Variants in FAM13A observed in about 807,000 individuals in gnomAD.
FAM13A encodes the protein family with sequence similarity 13 member A.
FAM13A carries 76 observed loss-of-function variants against 129.6 expected under a neutral mutation model. That is an observed-to-expected ratio of 0.59 (90% CI 0.49 to 0.71). The LOEUF (loss-of-function observed/expected upper bound fraction) is 0.71, where lower values mean the gene tolerates loss of function less well. FAM13A is among the 30% of genes least tolerant of loss of function. FAM13A has a pLI of 0.00. For synonymous variants in FAM13A, 443 were observed against 449.9 expected (o/e 0.98, Z 0.20); for missense variants, 1,108 against 1,249.3 (o/e 0.89, Z 1.70).
intron 7 of FAM13A, among the ~76,000 whole-genome samples, chr4:88,821,103 A>G (rs1385378939): frequency 6.6e-6 from 1 of 152,188 alleles, no homozygotes; most frequent in Non-Finnish European, 1.5e-5. Context: ...CCAAACTGGG[A>G]TTTGAAGAAA....
chr4:88,974,075 A>G (rs1760550896), intron 4 of FAM13A, among the ~76,000 whole-genome samples: 1 of 152,156 alleles, frequency 6.6e-6, no homozygotes. Flanking sequence ...CCCATGTCAG[A>G]AGCATGAAGG....
At position 89,020,634 on chromosome 4, in the gene FAM13A, T is replaced by A. The variant is rs1767142232; in HGVS notation, c.253A>T (p.Asn85Tyr). Residue 85 changes from asparagine (N) to tyrosine (Y), a missense_variant, in exon 3 of 24, where the codon AAC becomes TAC. Coordinates refer to ENST00000264344, the MANE Select transcript of FAM13A (RefSeq NM_014883.4). Reference sequence around the variant, plus strand: ...CGAAGTTGTTCCACCACCTTCACGTTACCATTCACCCTAAAAAGACCTTCT... The same window carrying A: ...CGAAGTTGTTCCACCACCTTCACGTAACCATTCACCCTAAAAAGACCTTCT... The part of the protein sequence containing the change: ...TQEGLFRVNG[N>Y]VKVVEQLRLK... 1 of 1,614,008 alleles carries A rather than the reference T, an allele frequency of 6.2e-7. No individual in the cohort carries two copies. The highest frequency in any genetic ancestry group is 1.1e-5 in the South Asian group (1 of 91,080).
At chr4:88,873,726 G>T (rs980129793) in intron 6 of FAM13A, among the ~76,000 whole-genome samples, 3 of 152,102 alleles carry the variant, frequency 2.0e-5, no homozygotes, top group Non-Finnish European at 4.4e-5. Context: ...AGAGGAGCTG[G>T]TACCATTCCT....
rs1727396143 is a variant in FAM13A, at chr4:88,801,211, A to T, written c.1049+3800T>A. Among the ~76,000 whole-genome samples the T allele has an allele frequency of 4.6e-5, 7 of 152,232 alleles. No homozygotes were observed. The South Asian group carries it at 1.4e-3, about 31-fold the overall frequency. On this transcript the variant is annotated intron_variant, in intron 8 of 23. Transcript: ENST00000264344. ...CATCTAAATATCAAGTAATATTTTAATTTGAATTTAGCCAAAGTCATTTTT... is the reference window on the plus strand; with the variant it reads ...CATCTAAATATCAAGTAATATTTTATTTTGAATTTAGCCAAAGTCATTTTT...
At chr4:88,945,986 GTGTGTA>G (rs1444512209) in intron 4 of FAM13A, among the ~76,000 whole-genome samples, 2 of 21,850 alleles carry the variant, frequency 9.2e-5, no homozygotes, top group African/African-American at 5.6e-4. Context: ...GTGTGTGTGT[GTGTGTA>G]TATATATATA....
intron 3 of FAM13A, among the ~76,000 whole-genome samples, chr4:88,991,532 TTG>T (rs1356197657): frequency 6.6e-6 from 1 of 152,166 alleles, no homozygotes; most frequent in Non-Finnish European, 1.5e-5. Context: ...CAAAATGGGT[TTG>T]TGTTTCAATT....
intron 1 of FAM13A, 103 bp from the exon 2 acceptor site, chr4:89,029,752 A>G: frequency 3.1e-6 from 3 of 959,760 alleles, no homozygotes; most frequent in Non-Finnish European, 4.8e-6. Context: ...GAAGATGAAT[A>G]GTTGTGGTCT....
At chr4:89,007,384 A>C (rs1015518279) in intron 3 of FAM13A, among the ~76,000 whole-genome samples, 1 of 152,198 alleles carries the variant, frequency 6.6e-6, no homozygotes, top group Non-Finnish European at 1.5e-5. Context: ...AGAAGCCCAC[A>C]GAAAAAGGAA....
intron 15 of FAM13A, among the ~76,000 whole-genome samples, chr4:88,750,130 A>G (rs1742258358): frequency 6.6e-6 from 1 of 152,184 alleles, no homozygotes; most frequent in African/African-American, 2.4e-5. Context: ...GCTCACATTT[A>G]TAATTAGCAA....
chr4:88,858,615 T>C (rs1383548957), intron 6 of FAM13A, among the ~76,000 whole-genome samples: 1 of 152,164 alleles, frequency 6.6e-6, no homozygotes. Flanking sequence ...GAAAACATTA[T>C]GCCAAGTGAA....
intron 21 of FAM13A, among the ~76,000 whole-genome samples, chr4:88,735,500 G>C (rs1738801023): frequency 6.6e-6 from 1 of 152,098 alleles, no homozygotes; most frequent in Non-Finnish European, 1.5e-5. Context: ...TCTTATGTTG[G>C]CTAGGAGAAC....
chr4:88,982,707 T>C (rs1761790378), intron 4 of FAM13A, among the ~76,000 whole-genome samples: 1 of 152,216 alleles, frequency 6.6e-6, no homozygotes, highest in African/African-American at 2.4e-5. Flanking sequence ...TTCAGAGGAC[T>C]TTTGCCTTAG....
chr4:88,746,979 C>T lies in FAM13A; in HGVS notation c.2419G>A (p.Ala807Thr). The T allele has an allele frequency of 6.2e-7, 1 of 1,613,610 alleles. No individual in the cohort carries two copies. The highest frequency in any genetic ancestry group is 1.1e-5 in the South Asian group (1 of 91,068). The change falls in exon 19 of 24, where the codon GCT becomes ACT. Residue 807 changes from alanine (A) to threonine (T), a missense_variant. By Grantham distance (58) the Ala-to-Thr change is moderately conservative. This residue lies in a region of FAM13A where 529 missense variants were observed against 621.2 expected (regional missense o/e 0.85). Transcript: ENST00000264344. The stretch of plus-strand genomic sequence containing the variant: ...TAATATAACAGAGCTTTCTGCAGAG[C>T]CACTTTCTCATTAGCAATCTGGTCT... ...TKDQIANEKV[A>T]LQKALLYYES...
intron 2 of FAM13A, among the ~76,000 whole-genome samples, chr4:89,023,660 T>C (rs1361016059): frequency 6.6e-6 from 1 of 152,200 alleles, no homozygotes; most frequent in African/African-American, 2.4e-5. Context: ...TATTTTCCTG[T>C]CTCTGTCCCA....
intron 7 of FAM13A, among the ~76,000 whole-genome samples, chr4:88,811,191 T>C (rs1729598285): frequency 6.6e-6 from 1 of 152,170 alleles, no homozygotes; most frequent in Admixed American, 6.6e-5. Flanking sequence ...AAAATGGGTC[T>C]GGATATGCCC....
At chr4:88,955,749 G>A (rs778560227) in intron 4 of FAM13A, among the ~76,000 whole-genome samples, 1 of 152,188 alleles carries the variant, frequency 6.6e-6, no homozygotes, top group Non-Finnish European at 1.5e-5. Context: ...TCATGCTTTA[G>A]CAAAGAGACT....
At chr4:88,730,598 G>A (rs1737498133) in intron 23 of FAM13A, among the ~76,000 whole-genome samples, 1 of 152,070 alleles carries the variant, frequency 6.6e-6, no homozygotes, top group Non-Finnish European at 1.5e-5. Context: ...CACCATGTTG[G>A]TCAGGCTGGT....
At chr4:88,989,122 C>T (rs569782729) in intron 4 of FAM13A, among the ~76,000 whole-genome samples, 10 of 151,668 alleles carry the variant, frequency 6.6e-5, no homozygotes, top group African/African-American at 2.2e-4. Flanking sequence ...GCAGGAGAAT[C>T]GCATGAACCC....
rs997373108 is a variant in FAM13A at position 88,726,352 on chromosome 4, C to T, written c.*2181G>A. On this transcript the variant is annotated 3_prime_UTR_variant, in exon 24 of 24. Coordinates refer to ENST00000264344, the MANE Select transcript of FAM13A (RefSeq NM_014883.4). ...ACAAAGGAAAACACAACATCTCATA[C>T]ACAATTTATTTTATATAACTTACTT... 6.7e-6 allele frequency: 1 copy of T among 149,914 alleles called. No homozygotes were observed. Among genetic ancestry groups the T allele is most frequent in the African/African-American group, 2.5e-5 (1 of 39,544 alleles). 9.3% of individuals were successfully genotyped at this position (149,914 alleles called of 1,614,324 possible).
Sources: allele counts gnomAD v4.1 joint callset (sites outside exome capture counted in the v4.1 genomes callset), GRCh38; gene constraint gnomAD v4.1.1; regional missense constraint gnomAD v4.1.1; transcripts MANE v1.5; gene names NCBI Gene and HGNC (gene_info 2026-07-23, HGNC 2026-07-21).